Variants in GOLGA1 observed in about 807,000 individuals in gnomAD.
GOLGA1 encodes golgin subfamily A member 1.
Under a neutral mutation model 119.7 loss-of-function variants are expected in GOLGA1, and 63 were observed. The ratio of observed to expected loss-of-function variants is 0.53; its 90% CI spans 0.43 to 0.65. The LOEUF is 0.65. Ranked by LOEUF, GOLGA1 falls within the 30% of genes least tolerant of loss-of-function variation. The pLI is 0.00. For synonymous variants in GOLGA1, 318 were observed against 333.4 expected, an observed-to-expected ratio of 0.95 and a Z score of 0.50; for missense variants, 798 against 912.8, an observed-to-expected ratio of 0.87 and a Z score of 1.62.
chr9:124,897,630 C>G (rs560867138), intron 15 of GOLGA1, among the ~76,000 whole-genome samples: 1 of 152,286 alleles, frequency 6.6e-6, no homozygotes, highest in South Asian at 2.1e-4. Flanking sequence ...CGTGAGCCAC[C>G]GCACTGGCTC....
Position 124,895,716 on chromosome 9 carries a change from A to T in GOLGA1, c.1407+2833T>A, listed in dbSNP as rs180876332. On this transcript the variant is annotated intron_variant, in intron 15 of 22. Transcript: ENST00000373555. ...AACCCTCCACAACACAGAACCCTCC[A>T]CAACACAGAACCATCCACAACAGAG... Among the ~76,000 whole-genome samples the T allele has an allele frequency of 4.0e-5, 6 of 150,864 alleles. No individual in the cohort carries two copies. The East Asian group carries it at 1.2e-3, about 30-fold the overall frequency.
In GOLGA1 at chr9:124,881,864, C is replaced by G. The variant is rs1284350522; in HGVS notation, c.2056G>C (p.Asp686His). The change falls in exon 21 of 23, where the codon GAC (aspartate) becomes CAC (histidine). Residue 686 changes from aspartate (D) to histidine (H), a missense_variant. By Grantham distance (81) the Asp-to-His change is moderately conservative. Transcript: ENST00000373555. This position sits in a 1 kb window ranked among gnomAD's most constrained non-coding sequence, Gnocchi z 4.9. ...TTGATCTCGCGGGCATCTGTCAGGT[C>G]AGTGTTATTCGTGACGGAAGGCGCC... ...NMAPSVTNNT[D>H]LTDAREINFE... 2 of 1,612,570 alleles carry G rather than the reference C, an allele frequency of 1.2e-6. No homozygotes were observed. Among genetic ancestry groups the G allele is most frequent in the Non-Finnish European group, 1.7e-6 (2 of 1,178,838 alleles).
At chr9:124,940,294 A>T (rs1463617356) in intron 1 of GOLGA1, 139 bp from the exon 2 acceptor site, 1 of 152,260 alleles carries the variant, frequency 6.6e-6, no homozygotes, top group East Asian at 1.9e-4. Flanking sequence ...AACCTGTCAC[A>T]ACTCTCAATG....
At position 124,908,668 on chromosome 9, in the gene GOLGA1, A is replaced by G. The variant is rs551395880; in HGVS notation, c.970-196T>C. The stretch of plus-strand genomic sequence containing the variant: ...AATTTGAAATAGTCCCTTGACCTTG[A>G]GGCTGGAACAAAAGACTAATAAAAA... On this transcript the variant is annotated intron_variant, in intron 11 of 22. Coordinates refer to ENST00000373555, the MANE Select transcript of GOLGA1 (RefSeq NM_002077.4). Among the ~76,000 whole-genome samples, 13 of 152,388 alleles carry G rather than the reference A, an allele frequency of 8.5e-5. No homozygotes were observed. In the East Asian group the frequency reaches 2.5e-3, roughly 29 times the overall value.
Position 124,926,087 on chromosome 9 carries a change from G to C in GOLGA1, c.432+622C>G, listed in dbSNP as rs541445388. 4.7e-4 allele frequency among the ~76,000 whole-genome samples: 71 copies of C among 152,282 alleles called. No individual in the cohort carries two copies. The Middle Eastern group carries it at 0.01, about 22-fold the overall frequency. On this transcript the variant is annotated intron_variant, in intron 7 of 22. Coordinates refer to ENST00000373555, the MANE Select transcript of GOLGA1 (RefSeq NM_002077.4). ...TCAATCAGAACCGCAGCAGGAAAGA[G>C]ACGGCCATCTCAAATCAGGCATTTT...
At chr9:124,919,976 G>C (rs1225326751) in intron 10 of GOLGA1, among the ~76,000 whole-genome samples, 1 of 149,410 alleles carries the variant, frequency 6.7e-6, no homozygotes, top group African/African-American at 2.5e-5. Flanking sequence ...ATTTTTTTAA[G>C]ACAGAGTCTC....
At chr9:124,882,637 G>T in intron 19 of GOLGA1, 68 bp from the exon 20 acceptor site, 2 of 1,296,894 alleles carry the variant, frequency 1.5e-6, no homozygotes, top group Non-Finnish European at 2.2e-6. Flanking sequence ...AAACAGACCC[G>T]AAGATCCCAC....
intron 12 of GOLGA1, among the ~76,000 whole-genome samples, chr9:124,907,872 G>A (rs1272998676): frequency 6.6e-6 from 1 of 152,214 alleles, no homozygotes; most frequent in African/African-American, 2.4e-5. Flanking sequence ...CCAGGTGCAG[G>A]CTTGCTGGGA....
intron 10 of GOLGA1, among the ~76,000 whole-genome samples, chr9:124,920,917 T>C (rs1268469305): frequency 6.6e-6 from 1 of 151,580 alleles, no homozygotes; most frequent in African/African-American, 2.4e-5. Flanking sequence ...TGAGAATTCC[T>C]GACAGGAAAA....
chr9:124,895,769 C>T (rs1332396179), intron 15 of GOLGA1, among the ~76,000 whole-genome samples: 1 of 149,140 alleles, frequency 6.7e-6, no homozygotes, highest in East Asian at 2.0e-4. Context: ...ACCTCCACAA[C>T]AGAGAGCCTC....
intron 8 of GOLGA1, among the ~76,000 whole-genome samples, chr9:124,922,288 C>T (rs1187959006): frequency 6.6e-6 from 1 of 151,202 alleles, no homozygotes; most frequent in Non-Finnish European, 1.5e-5. Context: ...TACGGTGGCT[C>T]ACGCCTGTAA....
chr9:124,946,906 A>G lies in GOLGA1; in HGVS notation c.-156+1012T>C, dbSNP rs2131560807. ...TTGATATGCAAGTCCAGTAAGAAAA[A>G]ATCTGTAGCCGGAAATGCCAAGACA... On this transcript the variant is annotated intron_variant, in intron 1 of 4. Transcript: ENST00000421514. The surrounding 1 kb of genome is among the most constrained non-coding windows in gnomAD (Gnocchi z 4.0). The G allele has an allele frequency of 6.6e-6, 1 of 152,316 alleles. No individual in the cohort carries two copies. The highest frequency in any genetic ancestry group is 2.4e-5 in the African/African-American group (1 of 41,570). The allele number at this position is 152,316 out of a possible 1,614,324, so 9.4% of individuals were successfully genotyped here.
Position 124,879,212 on chromosome 9 carries a change from A to T in GOLGA1, c.*1318T>A, listed in dbSNP as rs970911785. On this transcript the variant is annotated 3_prime_UTR_variant, in exon 23 of 23. Transcript: ENST00000373555. The stretch of plus-strand genomic sequence containing the variant: ...AATAAATTTAGAGGCTCCAGTTATT[A>T]ATTTAGTTTTTTATTTAACCAGTGA... 1.3e-5 allele frequency: 2 copies of T among 152,174 alleles called. No individual in the cohort carries two copies. Among genetic ancestry groups the T allele is most frequent in the Non-Finnish European group, 2.9e-5 (2 of 68,018 alleles). 9.4% of individuals were successfully genotyped at this position (152,174 alleles called of 1,614,324 possible).
rs577113945 is a variant in GOLGA1 at position 124,879,080 on chromosome 9, G to C, written c.*1450C>G. On this transcript the variant is annotated 3_prime_UTR_variant, in exon 23 of 23. Transcript: ENST00000373555. ...TGACTTGGTTCTTCATGGAAATTTC[G>C]TTAGGTTAACGTTGCAAATGCGTGT... 3.3e-5 allele frequency: 5 copies of C among 152,290 alleles called. No individual in the cohort carries two copies. The South Asian group carries it at 8.3e-4, about 25-fold the overall frequency. The allele number at this position is 152,290 out of a possible 1,614,324, so 9.4% of individuals were successfully genotyped here.
intron 11 of GOLGA1, among the ~76,000 whole-genome samples, chr9:124,909,719 G>T (rs1830305511): frequency 6.6e-6 from 1 of 152,034 alleles, no homozygotes; most frequent in African/African-American, 2.4e-5. Context: ...CAAGCCTAAG[G>T]AAATCAGAAT....
intron 10 of GOLGA1, among the ~76,000 whole-genome samples, chr9:124,918,217 G>C (rs185940447): frequency 1.3e-5 from 2 of 152,192 alleles, no homozygotes; most frequent in African/African-American, 4.8e-5. Context: ...CACTCATCAC[G>C]GTTAGTAATT....
At chr9:124,900,912 C>G (rs114314724) in intron 12 of GOLGA1, among the ~76,000 whole-genome samples, 175 of 151,870 alleles carry the variant, frequency 1.2e-3, no homozygotes, top group African/African-American at 4.1e-3. Flanking sequence ...GTGCTGCCTA[C>G]TTAGGCTTTC....
rs112456860 is a variant in GOLGA1 at position 124,902,180 on chromosome 9, C to T, written c.1066-1633G>A. Reference sequence around the variant, plus strand: ...AGGCTGGAGTGCAGTGGCATGATCTCGGCTCACTGCAAGCTCCACCTCCCG... The same window carrying T: ...AGGCTGGAGTGCAGTGGCATGATCTTGGCTCACTGCAAGCTCCACCTCCCG... On this transcript the variant is annotated intron_variant, in intron 12 of 22. Transcript: ENST00000373555. Among the ~76,000 whole-genome samples, 337 of 152,024 alleles carry T rather than the reference C, an allele frequency of 2.2e-3. 1 individual carries two copies. Among genetic ancestry groups the T allele is most frequent in the African/African-American group, 6.0e-3 (249 of 41,484 alleles).
chr9:124,881,897 C>A lies in GOLGA1; in HGVS notation c.2023G>T (p.Ala675Ser). 1 of 1,611,946 alleles carries A rather than the reference C, an allele frequency of 6.2e-7. No individual in the cohort carries two copies. Among genetic ancestry groups the A allele is most frequent in the Non-Finnish European group, 8.5e-7 (1 of 1,178,610 alleles). ...EVREKPGPEM[A>S]NMAPSVTNNT... ...TTCGTGACGGAAGGCGCCATGTTTG[C>A]CATCTCAGGTCCAGGTTTCTCCCGG... Residue 675 changes from alanine (A) to serine (S), a missense_variant, in exon 21 of 23, where the codon GCA becomes TCA. By Grantham distance (99) the Ala-to-Ser change is moderately conservative. Transcript: ENST00000373555. The surrounding 1 kb of genome is among the most constrained non-coding windows in gnomAD (Gnocchi z 4.9).
Sources: allele counts gnomAD v4.1 joint callset (sites outside exome capture counted in the v4.1 genomes callset), GRCh38; gene constraint gnomAD v4.1.1; non-coding constraint Gnocchi (gnomAD v3.1); transcripts MANE v1.5; gene names NCBI Gene and HGNC (gene_info 2026-07-23, HGNC 2026-07-21).